PEX1: variants seen among roughly 807,000 people sequenced by gnomAD.
PEX1 encodes peroxisomal ATPase PEX1.
A neutral mutation model predicts 152.5 loss-of-function variants in PEX1; 97 were observed. That is an observed-to-expected ratio of 0.64 (90% CI 0.54 to 0.75). PEX1 has a LOEUF of 0.75. Ranked by LOEUF, PEX1 falls within the 30% of genes least tolerant of loss-of-function variation. PEX1 has a pLI of 0.00. For missense variants in PEX1, 1,357 were observed against 1,516.3 expected, an observed-to-expected ratio of 0.89 and a Z score of 1.74; for synonymous variants, 485 against 531.6, an observed-to-expected ratio of 0.91 and a Z score of 1.21.
intron 6 of PEX1, among the ~76,000 whole-genome samples, chr7:92,512,460 C>CT (rs1792520520): frequency 6.6e-6 from 1 of 152,054 alleles, no homozygotes; most frequent in Non-Finnish European, 1.5e-5. Context: ...GTAGCTAGGA[C>CT]TACAGGCATG....
chr7:92,528,231 C>A lies in PEX1; in HGVS notation c.129+76G>T, dbSNP rs376966688. The stretch of plus-strand genomic sequence containing the variant: ...CGGCGCCCGGGTGGCAGCCGGTGTC[C>A]CGCCGCGTCCCTGAGAGGCTTCGGC... On this transcript the variant is annotated intron_variant, in intron 1 of 23. Transcript: ENST00000248633. The A allele has an allele frequency of 2.2e-4, 338 of 1,532,316 alleles. 3 individuals are homozygous for A. The East Asian group carries it at 6.4e-3, about 29-fold the overall frequency. 94.9% of individuals were successfully genotyped at this position (1,532,316 alleles called of 1,614,324 possible).
At chr7:92,493,195 A>C in intron 19 of PEX1, 66 bp from the exon 20 acceptor site, 1 of 921,672 alleles carries the variant, frequency 1.1e-6, no homozygotes, top group South Asian at 1.8e-5. Flanking sequence ...TAAATTGTGT[A>C]TCTTATGATT....
intron 5 of PEX1, 34 bp downstream of exon 5, chr7:92,517,242 A>G (rs963448630): frequency 1.3e-6 from 2 of 1,515,750 alleles, no homozygotes; most frequent in Admixed American, 1.7e-5. Context: ...TAAGCCACAT[A>G]AAATTTCTCC....
At chr7:92,518,908 A>G (rs1792928235) in intron 3 of PEX1, 87 bp downstream of exon 3, 1 of 987,968 alleles carries the variant, frequency 1.0e-6, no homozygotes, top group East Asian at 2.4e-5. Flanking sequence ...CTCAGAATAT[A>G]TAATAAAGCT....
chr7:92,491,310 A>G lies in PEX1; in HGVS notation c.3400T>C (p.Tyr1134His). The change falls in exon 21 of 24, where the codon TAT becomes CAT. Residue 1134 changes from tyrosine (Y) to histidine (H), a missense_variant. Tyr to His is a moderately conservative substitution (Grantham distance 83). Coordinates refer to ENST00000248633, the MANE Select transcript of PEX1 (RefSeq NM_000466.3). ...NMYRLYFGSSYESELGNGTSS... is the reference protein window; with the variant it reads ...NMYRLYFGSSHESELGNGTSS... ...GTTCCATTTCCAAGTTCTGATTCAT[A>G]AGAGCTTCCAAAGTAGAGCCGGTAC... 1 of 1,613,638 alleles carries G rather than the reference A, an allele frequency of 6.2e-7. No homozygotes were observed. The highest frequency in any genetic ancestry group is 8.5e-7 in the Non-Finnish European group (1 of 1,179,574).
At position 92,528,369 on chromosome 7, in the gene PEX1, T is replaced by G; in HGVS notation, c.67A>C (p.Asn23His). ...GGAAVTVAFTNARDCFLHLPR... is the reference protein window; with the variant it reads ...GGAAVTVAFTHARDCFLHLPR... ...AGGTGGAGGAAGCAGTCGCGAGCGT[T>G]GGTGAAGGCCACAGTCACTGCCGCC... The change falls in exon 1 of 24, where the codon AAC becomes CAC. Residue 23 changes from asparagine (N) to histidine (H), a missense_variant. Transcript: ENST00000248633. 1 of 1,590,914 alleles carries G rather than the reference T, an allele frequency of 6.3e-7. No homozygotes were observed. Among genetic ancestry groups the G allele is most frequent in the Non-Finnish European group, 8.5e-7 (1 of 1,170,588 alleles).
intron 1 of PEX1, among the ~76,000 whole-genome samples, chr7:92,523,058 G>C (rs566509593): frequency 2.0e-5 from 3 of 152,150 alleles, no homozygotes; most frequent in Admixed American, 6.5e-5. Flanking sequence ...ATTAAAACAT[G>C]TAAGTTTGTG....
intron 17 of PEX1, among the ~76,000 whole-genome samples, chr7:92,495,386 T>C (rs1201438845): frequency 6.6e-6 from 1 of 152,138 alleles, no homozygotes; most frequent in African/African-American, 2.4e-5. Flanking sequence ...GGGCCAAAAA[T>C]AGACCAGAAT....
At chr7:92,494,184 A>G (rs1791517584) in intron 19 of PEX1, 109 bp downstream of exon 19, 1 of 823,722 alleles carries the variant, frequency 1.2e-6, no homozygotes, top group African/African-American at 1.7e-5. Flanking sequence ...GCTTTTCCCT[A>G]AGAAAGCTGG....
In PEX1 at chr7:92,511,443, A is replaced by C. The variant is rs1792461413; in HGVS notation, c.1483+137T>G. 3 of 782,220 alleles carry C rather than the reference A, an allele frequency of 3.8e-6. No individual in the cohort carries two copies. In the African/African-American group the frequency reaches 5.2e-5, roughly 14 times the overall value. 48.5% of individuals were successfully genotyped at this position (782,220 alleles called of 1,614,324 possible). On this transcript the variant is annotated intron_variant, in intron 7 of 23. Coordinates refer to ENST00000248633, the MANE Select transcript of PEX1 (RefSeq NM_000466.3). Reference sequence around the variant, plus strand: ...CCCGGCCAAAGATATTTTTCAATACATAAAAACTACTGTTTAATTATCATA... The same window carrying C: ...CCCGGCCAAAGATATTTTTCAATACCTAAAAACTACTGTTTAATTATCATA...
intron 1 of PEX1, among the ~76,000 whole-genome samples, chr7:92,526,278 T>A (rs563280180): frequency 6.6e-6 from 1 of 152,328 alleles, no homozygotes; most frequent in South Asian, 2.1e-4. Flanking sequence ...AGATTTTAGG[T>A]CTGATTTAAT....
intron 22 of PEX1, 75 bp downstream of exon 22, chr7:92,489,639 A>G (rs1321712837): frequency 8.0e-6 from 11 of 1,370,164 alleles, no homozygotes; most frequent in African/African-American, 5.7e-5. Context: ...TTATAAGTCA[A>G]AGAAATATAT....
intron 17 of PEX1, among the ~76,000 whole-genome samples, chr7:92,495,862 T>A (rs1277621078): frequency 2.0e-5 from 3 of 152,094 alleles, no homozygotes; most frequent in Non-Finnish European, 2.9e-5. Flanking sequence ...CCTAATTTCA[T>A]GAGATAGATA....
Position 92,494,318 on chromosome 7 carries a change from C to A in PEX1, c.3005G>T (p.Cys1002Phe), listed in dbSNP as rs749121450. The change falls in exon 19 of 24, where the codon TGT (cysteine) becomes TTT (phenylalanine). Residue 1002 changes from cysteine to phenylalanine, a missense_variant. By Grantham distance (205) the Cys-to-Phe change is radical. Transcript: ENST00000248633. ...ALLRPGRLDK[C>F]VYCPPPDQVS... ...CTGATCAGGAGGAGGACAGTATACA[C>A]ATTTATCTAGTCGACCAGGCCTAAG... 1.2e-6 allele frequency: 2 copies of A among 1,613,780 alleles called. No homozygotes were observed. The highest frequency in any genetic ancestry group is 2.2e-5 in the South Asian group (2 of 91,064).
rs1436182434 is a variant in PEX1 at position 92,503,253 on chromosome 7, T to C, written c.2072-58A>G. The C allele has an allele frequency of 2.8e-6, 4 of 1,441,800 alleles. No homozygotes were observed. The East Asian group carries it at 9.6e-5, about 34-fold the overall frequency. The allele number at this position is 1,441,800 out of a possible 1,614,324, so 89.3% of individuals were successfully genotyped here. On this transcript the variant is annotated intron_variant, in intron 12 of 23. Coordinates refer to ENST00000248633, the MANE Select transcript of PEX1 (RefSeq NM_000466.3). ...GAAAAGTAAACATGAAATTTAAAAA[T>C]TATACATTCATTAAAAATAATGATA...
In PEX1 at chr7:92,528,382, A is replaced by G. The variant is rs2116298890; in HGVS notation, c.54T>C (p.Thr18=). The G allele has an allele frequency of 2.5e-6, 4 of 1,593,092 alleles. No individual in the cohort carries two copies. Among genetic ancestry groups the G allele is most frequent in the Non-Finnish European group, 3.4e-6 (4 of 1,171,502 alleles). The part of the protein sequence containing the change: ...AGAGGGGAAV[T]VAFTNARDCF... ...AGTCGCGAGCGTTGGTGAAGGCCACAGTCACTGCCGCCCCGCCTCCCCCAG... is the reference window on the plus strand; with the variant it reads ...AGTCGCGAGCGTTGGTGAAGGCCACGGTCACTGCCGCCCCGCCTCCCCCAG... Residue 18 remains threonine, a synonymous_variant, in exon 1 of 24, where the codon ACT becomes ACC. Transcript: ENST00000248633.
chr7:92,524,533 C>T (rs1361883304), intron 1 of PEX1, among the ~76,000 whole-genome samples: 1 of 152,156 alleles, frequency 6.6e-6, no homozygotes, highest in Non-Finnish European at 1.5e-5. Context: ...TCCCAAAGTG[C>T]TGGGATTACA....
chr7:92,500,289 C>CACTGG (rs1001821499), intron 15 of PEX1, among the ~76,000 whole-genome samples: 1 of 152,176 alleles, frequency 6.6e-6, no homozygotes, highest in Admixed American at 6.5e-5. Flanking sequence ...CTCAAGTTAC[C>CACTGG]TTTTAAGGCA....
chr7:92,523,379 T>C (rs537699468), intron 1 of PEX1, among the ~76,000 whole-genome samples: 2 of 152,194 alleles, frequency 1.3e-5, no homozygotes, highest in East Asian at 3.9e-4. Flanking sequence ...TGGAGTGCAC[T>C]GGCACAATCA....
Sources: gnomAD v4.1 joint callset for allele counts (sites outside exome capture counted in the v4.1 genomes callset) on GRCh38, gnomAD v4.1.1 for gene constraint, MANE v1.5 for transcripts, NCBI Gene and HGNC (gene_info 2026-07-23, HGNC 2026-07-21) for gene names.